Variants in ATP8B4 observed in about 807,000 individuals in gnomAD.
The protein encoded by ATP8B4 is probable phospholipid-transporting ATPase IM.
In ATP8B4, 133 loss-of-function variants were observed where a neutral mutation model predicts 145.6. That is an observed-to-expected ratio of 0.91 (90% CI 0.79 to 1.05). The LOEUF is 1.05. Among genes scored for constraint, ATP8B4 ranks in the 50% least tolerant of loss-of-function variants. The pLI, the probability that ATP8B4 is intolerant of heterozygous loss-of-function variation, is 0.00. For synonymous variants in ATP8B4, 507 were observed against 492.9 expected (o/e 1.03, Z -0.38); for missense variants, 1,458 against 1,425.2 (o/e 1.02, Z -0.37).
chr15:50,061,660 G>A (rs2053035141), intron 3 of ATP8B4, among the ~76,000 whole-genome samples: 1 of 152,134 alleles, frequency 6.6e-6, no homozygotes, highest in Admixed American at 6.6e-5. Flanking sequence ...TCTTCAGTCA[G>A]TTTAGGTTTA....
chr15:50,178,123 G>A (rs1407748661), intron 1 of ATP8B4, among the ~76,000 whole-genome samples: 2 of 152,188 alleles, frequency 1.3e-5, no homozygotes, highest in African/African-American at 4.8e-5. Flanking sequence ...GTGGGCATTT[G>A]AGGTCATCTA....
chr15:50,076,218 G>T (rs1458696508), intron 2 of ATP8B4, among the ~76,000 whole-genome samples: 1 of 152,144 alleles, frequency 6.6e-6, no homozygotes, highest in East Asian at 1.9e-4. Context: ...CCTGGGCTGG[G>T]TGCGGTGGCT....
intron 1 of ATP8B4, among the ~76,000 whole-genome samples, chr15:50,176,761 G>A (rs1459457237): frequency 1.3e-5 from 2 of 152,068 alleles, no homozygotes; most frequent in African/African-American, 2.4e-5. Flanking sequence ...CCTAATCAAA[G>A]ACATTCTGGT....
intron 6 of ATP8B4, among the ~76,000 whole-genome samples, chr15:50,023,720 T>C (rs1441177071): frequency 7.2e-6 from 1 of 138,000 alleles, no homozygotes; most frequent in Non-Finnish European, 1.5e-5. Context: ...GGTAACCTAG[T>C]GTGGAAAGCA....
chr15:49,860,162 A>G lies in ATP8B4; in HGVS notation c.*32T>C. ...GAATTTCAGCTCCACCTGAAGTGAA[A>G]AGATAACTACGTGGTTTAAATTCAT... On this transcript the variant is annotated 3_prime_UTR_variant, in exon 28 of 28. Coordinates refer to ENST00000284509, the MANE Select transcript of ATP8B4 (RefSeq NM_024837.4). The G allele has an allele frequency of 6.4e-7, 1 of 1,568,542 alleles. No individual in the cohort carries two copies. The highest frequency in any genetic ancestry group is 8.6e-7 in the Non-Finnish European group (1 of 1,157,194).
chr15:49,863,113 G>A (rs2032146032), intron 26 of ATP8B4, among the ~76,000 whole-genome samples: 1 of 152,194 alleles, frequency 6.6e-6, no homozygotes, highest in Non-Finnish European at 1.5e-5. Context: ...TCATAAAAGG[G>A]GAGCTTTATC....
intron 14 of ATP8B4, among the ~76,000 whole-genome samples, chr15:49,949,124 T>C (rs2042838413): frequency 6.6e-6 from 1 of 152,200 alleles, no homozygotes; most frequent in African/African-American, 2.4e-5. Context: ...CTTGTTATTT[T>C]TGCTTAGGAT....
At chr15:49,908,020 G>A (rs759457159) in intron 20 of ATP8B4, 4 of 455,790 alleles carry the variant, frequency 8.8e-6, no homozygotes, top group Non-Finnish European at 1.3e-5. Context: ...CCTGAACCAC[G>A]GACTACTTTG....
At position 49,928,947 on chromosome 15, in the gene ATP8B4, T is replaced by G. The variant is rs77406491; in HGVS notation, c.1642+2172A>C. The stretch of plus-strand genomic sequence containing the variant: ...TAGTCTAGAGAAGTGGTCCCCAAAC[T>G]GTGATTCCCTGACCAGTGGCATCAG... On this transcript the variant is annotated intron_variant, in intron 16 of 27. Coordinates refer to ENST00000284509, the MANE Select transcript of ATP8B4 (RefSeq NM_024837.4). Among the ~76,000 whole-genome samples, 1,506 of 152,184 alleles carry G rather than the reference T, an allele frequency of 9.9e-3. 31 individuals carry two copies. Among genetic ancestry groups the G allele is most frequent in the African/African-American group, 0.035 (1,465 of 41,530 alleles).
At position 50,076,132 on chromosome 15, in the gene ATP8B4, A is replaced by T. The variant is rs2054155094; in HGVS notation, c.29-1947T>A. ...TTATATGAAGCACATCCAAGAGTAG[A>T]ATTCTATAGTTCTGTACCTAATTTT... On this transcript the variant is annotated intron_variant, in intron 2 of 27. Coordinates refer to ENST00000284509, the MANE Select transcript of ATP8B4 (RefSeq NM_024837.4). Among the ~76,000 whole-genome samples the T allele has an allele frequency of 2.0e-5, 3 of 152,208 alleles. No individual in the cohort carries two copies. The South Asian group carries it at 6.2e-4, about 31-fold the overall frequency.
At chr15:49,969,309 C>A (rs1258899210) in intron 13 of ATP8B4, among the ~76,000 whole-genome samples, 1 of 151,956 alleles carries the variant, frequency 6.6e-6, no homozygotes, top group African/African-American at 2.4e-5. Flanking sequence ...ACACGAAAAA[C>A]CCTTCAAAAA....
intron 11 of ATP8B4, among the ~76,000 whole-genome samples, chr15:49,980,091 CTA>C (rs1374501838): frequency 6.6e-6 from 1 of 152,126 alleles, no homozygotes; most frequent in Non-Finnish European, 1.5e-5. Flanking sequence ...ACAAGAAAGA[CTA>C]TGTAACTTGT....
chr15:50,087,360 TATA>T (rs1444461495), intron 2 of ATP8B4, among the ~76,000 whole-genome samples: 23 of 138,922 alleles, frequency 1.7e-4, no homozygotes, highest in African/African-American at 5.6e-4. Context: ...ATATATTATA[TATA>T]ATAAAATAAT....
At chr15:50,167,199 A>C (rs1441610432) in intron 1 of ATP8B4, among the ~76,000 whole-genome samples, 1 of 152,216 alleles carries the variant, frequency 6.6e-6, no homozygotes, top group African/African-American at 2.4e-5. Context: ...AATGTGGTTT[A>C]GCATATTAGT....
chr15:49,931,385 A>T, intron 15 of ATP8B4, 78 bp from the exon 16 acceptor site: 2 of 1,340,824 alleles, frequency 1.5e-6, no homozygotes, highest in South Asian at 2.7e-5. Context: ...ACTCCAACTC[A>T]GTATTTAACA....
intron 1 of ATP8B4, among the ~76,000 whole-genome samples, chr15:50,109,258 A>C (rs1158640829): frequency 1.3e-5 from 2 of 152,240 alleles, no homozygotes; most frequent in African/African-American, 2.4e-5. Context: ...TTATAAAGGA[A>C]GATTCACAAA....
chr15:49,917,972 TTTGTG>T (rs2039911208), intron 19 of ATP8B4, among the ~76,000 whole-genome samples: 1 of 152,196 alleles, frequency 6.6e-6, no homozygotes, highest in Non-Finnish European at 1.5e-5. Flanking sequence ...CTGTTTATTT[TTTGTG>T]ATCAATGATT....
chr15:49,891,846 TG>T (rs1427016067), intron 23 of ATP8B4, among the ~76,000 whole-genome samples: 1 of 152,152 alleles, frequency 6.6e-6, no homozygotes, highest in Non-Finnish European at 1.5e-5. Flanking sequence ...CCGGGCACAG[TG>T]GCTCATGCCT....
intron 19 of ATP8B4, among the ~76,000 whole-genome samples, chr15:49,918,518 C>A (rs12905192): frequency 0.2 from 30,791 of 152,026 alleles, 4,088 homozygotes; most frequent in African/African-American, 0.37. Flanking sequence ...TCTGTCCTGA[C>A]TGGGGACAGT....
Sources: allele counts gnomAD v4.1 joint callset (sites outside exome capture counted in the v4.1 genomes callset), GRCh38; gene constraint gnomAD v4.1.1; transcripts MANE v1.5; gene names NCBI Gene and HGNC (gene_info 2026-07-23, HGNC 2026-07-21).